The following AMMECR1L variants were observed in gnomAD, a reference collection of about 807,000 sequenced individuals.
AMMECR1L encodes the protein AMMECR1 like, also known as AMMECR1-like protein.
Under a neutral mutation model 36.8 loss-of-function variants are expected in AMMECR1L, and 4 were observed. The ratio of observed to expected loss-of-function variants is 0.11; its 90% CI spans 0.05 to 0.25. The LOEUF (loss-of-function observed/expected upper bound fraction) is 0.25. AMMECR1L is among the 10% of genes least tolerant of loss of function. The pLI is 1.00. For synonymous variants in AMMECR1L, 147 were observed against 148.0 expected, an observed-to-expected ratio of 0.99 and a Z score of 0.05; for missense variants, 232 against 392.1, an observed-to-expected ratio of 0.59 and a Z score of 3.45.
At chr2:127,872,496 T>C (rs1278735894) in intron 3 of AMMECR1L, among the ~76,000 whole-genome samples, 1 of 152,218 alleles carries the variant, frequency 6.6e-6, no homozygotes, top group East Asian at 1.9e-4. Flanking sequence ...CACACTCTAA[T>C]GTCCTTACCT....
chr2:127,875,799 CTCTT>C (rs35364578), intron 2 of AMMECR1L, among the ~76,000 whole-genome samples: 2 of 151,310 alleles, frequency 1.3e-5, no homozygotes, highest in African/African-American at 2.4e-5. Context: ...CTCTCTCTCT[CTCTT>C]TTTCTTTAAG....
At chr2:127,881,111 G>T (rs1020137368) in intron 2 of AMMECR1L, among the ~76,000 whole-genome samples, 2 of 152,016 alleles carry the variant, frequency 1.3e-5, no homozygotes. Context: ...CTGGCTTCAG[G>T]TGCCACTTCG....
In AMMECR1L at chr2:127,873,503, T is replaced by C. The variant is rs1222007887; in HGVS notation, c.407+325A>G. ...AACACTATGGGTGTCCCCAATGGTATGGCGTGACTTCCCCACTTGAGAGGT... is the reference window on the plus strand; with the variant it reads ...AACACTATGGGTGTCCCCAATGGTACGGCGTGACTTCCCCACTTGAGAGGT... On this transcript the variant is annotated intron_variant, in intron 3 of 7. Transcript: ENST00000272647. This position sits in a 1 kb window ranked among gnomAD's most constrained non-coding sequence, Gnocchi z 5.2. 2 of 985,318 alleles carry C rather than the reference T, an allele frequency of 2.0e-6. No homozygotes were observed. Among genetic ancestry groups the C allele is most frequent in the African/African-American group, 1.7e-5 (1 of 57,232 alleles). 61.0% of individuals were successfully genotyped at this position (985,318 alleles called of 1,614,324 possible).
chr2:127,867,337 A>G, intron 6 of AMMECR1L: 2 of 980,994 alleles, frequency 2.0e-6, no homozygotes, highest in Non-Finnish European at 2.4e-6. Flanking sequence ...CTGGTACCCA[A>G]GGCTGCTCTG....
chr2:127,873,842 G>C lies in AMMECR1L; in HGVS notation c.393C>G (p.Phe131Leu). ...YGFPQPRLPR[F>L]TNDPYPLFVT... ...GATTTACTCACTAGGGGTCATTGGT[G>C]AATCTAGGAAGTCGTGGCTGTGGGA... The change falls in exon 3 of 8, where the codon TTC (phenylalanine) becomes TTG (leucine). Residue 131 changes from phenylalanine to leucine, a missense_variant. Physicochemically the swap from Phe to Leu is conservative, Grantham distance 22. This residue lies in a region of AMMECR1L where 83 missense variants were observed against 229.5 expected (regional missense o/e 0.36). Coordinates refer to ENST00000272647, the MANE Select transcript of AMMECR1L (RefSeq NM_001199140.2). The surrounding 1 kb of genome is among the most constrained non-coding windows in gnomAD (Gnocchi z 5.2). The C allele has an allele frequency of 1.2e-6, 2 of 1,614,068 alleles. No homozygotes were observed. Among genetic ancestry groups the C allele is most frequent in the Non-Finnish European group, 1.7e-6 (2 of 1,180,022 alleles).
At chr2:127,883,504 C>A (rs1376718501) in intron 2 of AMMECR1L, among the ~76,000 whole-genome samples, 1 of 152,132 alleles carries the variant, frequency 6.6e-6, no homozygotes, top group Non-Finnish European at 1.5e-5. Flanking sequence ...CAAGGTGCCA[C>A]ATTTTTCTGG....
At position 127,871,807 on chromosome 2, in the gene AMMECR1L, T is replaced by C. The variant is rs1224902381; in HGVS notation, c.408-448A>G. 2.0e-5 allele frequency among the ~76,000 whole-genome samples: 3 copies of C among 152,202 alleles called. No homozygotes were observed. The highest frequency in any genetic ancestry group is 7.2e-5 in the African/African-American group (3 of 41,444). Reference sequence around the variant, plus strand: ...CAAACCCATGTTGCTTCCATGATCATGTCTGCCCCTGACAACTACAAATAT... The same window carrying C: ...CAAACCCATGTTGCTTCCATGATCACGTCTGCCCCTGACAACTACAAATAT... On this transcript the variant is annotated intron_variant, in intron 3 of 7. Transcript: ENST00000272647. This position sits in a 1 kb window ranked among gnomAD's most constrained non-coding sequence, Gnocchi z 4.3.
At chr2:127,884,704 C>T (rs1468424088) in intron 1 of AMMECR1L, 1 of 152,288 alleles carries the variant, frequency 6.6e-6, no homozygotes, top group East Asian at 1.9e-4. Context: ...ATTTCCCAAT[C>T]CTCTGCAAAG....
intron 7 of AMMECR1L, among the ~76,000 whole-genome samples, chr2:127,866,586 TC>T (rs1301265636): frequency 1.3e-5 from 2 of 152,238 alleles, no homozygotes; most frequent in East Asian, 3.8e-4. Flanking sequence ...ACTCTGGACT[TC>T]CAGAGAGCCT....
At chr2:127,882,156 G>A (rs890877890) in intron 2 of AMMECR1L, among the ~76,000 whole-genome samples, 1 of 152,152 alleles carries the variant, frequency 6.6e-6, no homozygotes, top group African/African-American at 2.4e-5. Context: ...GCCTAAAGGT[G>A]GGGGGAAAAA....
chr2:127,877,044 T>TATATAC (rs1230558808), intron 2 of AMMECR1L, among the ~76,000 whole-genome samples: 1 of 148,276 alleles, frequency 6.7e-6, no homozygotes, highest in Non-Finnish European at 1.5e-5. Flanking sequence ...TACATATATA[T>TATATAC]ATATATATAT....
chr2:127,876,719 T>A lies in AMMECR1L; in HGVS notation c.-38-2447A>T, dbSNP rs112471827. Among the ~76,000 whole-genome samples the A allele has an allele frequency of 4.5e-3, 690 of 152,072 alleles. 6 individuals are homozygous for A. The highest frequency in any genetic ancestry group is 0.016 in the African/African-American group (644 of 41,476). On this transcript the variant is annotated intron_variant, in intron 2 of 7. Transcript: ENST00000272647. The stretch of plus-strand genomic sequence containing the variant: ...CCTAGGGTTAGGTGAATTAAATGAG[T>A]TTAACATATGTAAAGAGGCCAGGCG...
At chr2:127,883,571 G>C (rs373836885) in intron 2 of AMMECR1L, among the ~76,000 whole-genome samples, 2 of 152,084 alleles carry the variant, frequency 1.3e-5, no homozygotes. Flanking sequence ...CCCTCAGAGG[G>C]GCTGGGAGGC....
rs1690851908 is a variant in AMMECR1L at position 127,869,353 on chromosome 2, G to A, written c.724+101C>T. On this transcript the variant is annotated intron_variant, in intron 6 of 7. Coordinates refer to ENST00000272647, the MANE Select transcript of AMMECR1L (RefSeq NM_001199140.2). This position sits in a 1 kb window ranked among gnomAD's most constrained non-coding sequence, Gnocchi z 4.7. ...AGAGGCAGAAAGGCCCTCATTCTCA[G>A]CTGCAGTTGGGCTGCAAGATGACAC... 8.9e-7 allele frequency: 1 copy of A among 1,117,424 alleles called. No individual in the cohort carries two copies. The highest frequency in any genetic ancestry group is 1.5e-5 in the African/African-American group (1 of 64,584). The allele number at this position is 1,117,424 out of a possible 1,614,324, so 69.2% of individuals were successfully genotyped here.
intron 2 of AMMECR1L, among the ~76,000 whole-genome samples, chr2:127,883,815 A>G (rs1485137887): frequency 6.6e-6 from 1 of 152,208 alleles, no homozygotes; most frequent in East Asian, 1.9e-4. Context: ...AACTATAGAA[A>G]AGAGAACCAA....
chr2:127,862,536 C>T lies in AMMECR1L; in HGVS notation c.*2558G>A, dbSNP rs1268157471. The T allele has an allele frequency of 6.5e-6, 1 of 153,616 alleles. No individual in the cohort carries two copies. Among genetic ancestry groups the T allele is most frequent in the Non-Finnish European group, 1.5e-5 (1 of 68,074 alleles). The allele number at this position is 153,616 out of a possible 1,614,324, so 9.5% of individuals were successfully genotyped here. On this transcript the variant is annotated 3_prime_UTR_variant, in exon 8 of 8. Transcript: ENST00000272647. The stretch of plus-strand genomic sequence containing the variant: ...TTCATGAGGCGACCGTGACCGTACA[C>T]TTCTAGACCGCTTCCTGACTAGGCC...
At position 127,885,905 on chromosome 2, in the gene AMMECR1L, TC is replaced by T. The variant is rs1691760234; in HGVS notation, c.-245del. On this transcript the variant is annotated 5_prime_UTR_variant, in exon 1 of 8. Transcript: ENST00000272647. ...TGGAGCCATGCGCCTGGGTGGGGGC[TC>T]CCGAGAGAAGCTGGCCTGCGGGCGG... 1 of 985,828 alleles carries T rather than the reference TC, an allele frequency of 1.0e-6. No homozygotes were observed. Among genetic ancestry groups the T allele is most frequent in the African/African-American group, 1.8e-5 (1 of 57,016 alleles). The allele number at this position is 985,828 out of a possible 1,614,324, so 61.1% of individuals were successfully genotyped here.
intron 1 of AMMECR1L, chr2:127,885,016 G>C: frequency 2.8e-6 from 1 of 362,392 alleles, no homozygotes; most frequent in Non-Finnish European, 3.8e-6. Flanking sequence ...GAGGGAGCAT[G>C]GCAAGGAGAG....
chr2:127,870,246 G>A (rs888643504), intron 5 of AMMECR1L, among the ~76,000 whole-genome samples: 2 of 151,438 alleles, frequency 1.3e-5, no homozygotes, highest in South Asian at 2.1e-4. Flanking sequence ...ACCCAGGGGT[G>A]GAGGTTGCAG....
Sources: gnomAD v4.1 joint callset for allele counts (sites outside exome capture counted in the v4.1 genomes callset) on GRCh38, gnomAD v4.1.1 for gene constraint, gnomAD v4.1.1 regional missense constraint, Gnocchi (gnomAD v3.1) non-coding constraint, MANE v1.5 for transcripts, NCBI Gene and HGNC (gene_info 2026-07-23, HGNC 2026-07-21) for gene names.